FAM98B: variants seen among roughly 807,000 people sequenced by gnomAD.
The protein encoded by FAM98B is tRNA splicing ligase complex subunit 3B.
In FAM98B, 32 loss-of-function variants were observed where a neutral mutation model predicts 43.9. That is an observed-to-expected ratio of 0.73 (90% confidence interval 0.55 to 0.98). The LOEUF is 0.98. Among genes scored for constraint, FAM98B ranks in the 50% least tolerant of loss-of-function variants. The probability of loss-of-function intolerance (pLI) is 0.00; values close to 1 mark genes in which losing one functional copy is unlikely to be tolerated. For synonymous variants in FAM98B, 190 were observed against 174.0 expected (o/e 1.09, Z -0.72); for missense variants, 514 against 522.9 (o/e 0.98, Z 0.17).
At position 38,470,204 on chromosome 15, in the gene FAM98B, T is replaced by C. The variant is rs201643345; in HGVS notation, c.353-23T>C. On this transcript the variant is annotated intron_variant, in intron 3 of 7. Transcript: ENST00000397609. ...GAGATTCTTATACATGTATTAACATTATTTATTTTCTCTTTATTGTAGTAT... is the reference window on the plus strand; with the variant it reads ...GAGATTCTTATACATGTATTAACATCATTTATTTTCTCTTTATTGTAGTAT... 1.4e-5 allele frequency: 19 copies of C among 1,357,676 alleles called. No homozygotes were observed. The Admixed American group carries it at 4.0e-4, about 29-fold the overall frequency. The allele number at this position is 1,357,676 out of a possible 1,614,324, so 84.1% of individuals were successfully genotyped here. A position where few individuals can be genotyped will look rare whatever the true frequency, so the allele number is the denominator to read the frequency against.
At chr15:38,465,762 ATGATAATTTGT>A (rs751379311) in intron 3 of FAM98B, among the ~76,000 whole-genome samples, 6 of 152,160 alleles carry the variant, frequency 3.9e-5, no homozygotes, top group Non-Finnish European at 7.4e-5. Context: ...TAGGCACTGG[ATGATAATTTGT>A]TGATCACTTA....
intron 3 of FAM98B, among the ~76,000 whole-genome samples, chr15:38,465,959 G>A (rs1890025238): frequency 6.6e-6 from 1 of 152,080 alleles, no homozygotes; most frequent in Non-Finnish European, 1.5e-5. Context: ...TAAATAGTAG[G>A]TCCATGTTTG....
intron 1 of FAM98B, among the ~76,000 whole-genome samples, chr15:38,456,174 T>C (rs1889845164): frequency 6.6e-6 from 1 of 152,168 alleles, no homozygotes; most frequent in African/African-American, 2.4e-5. Context: ...GAAAACAGGA[T>C]AGGCTAGGAG....
intron 1 of FAM98B, among the ~76,000 whole-genome samples, chr15:38,455,794 T>C (rs1371662615): frequency 6.6e-6 from 1 of 152,252 alleles, no homozygotes; most frequent in Non-Finnish European, 1.5e-5. Context: ...GTTCATATTA[T>C]AAGTGTTTTA....
Position 38,481,358 on chromosome 15 carries a change from A to G in FAM98B, c.796A>G (p.Ile266Val). 1.2e-6 allele frequency: 2 copies of G among 1,614,198 alleles called. No homozygotes were observed. The highest frequency in any genetic ancestry group is 1.7e-6 in the Non-Finnish European group (2 of 1,180,030). Residue 266 changes from isoleucine to valine, a missense_variant, in exon 7 of 8, where the codon ATT becomes GTT. By Grantham distance (29) the Ile-to-Val change is conservative. This residue lies in a region of FAM98B where 469 missense variants were observed against 451.8 expected (regional missense o/e 1.04). Transcript: ENST00000397609. ...TTATGCTTTGTCACCCAAGACAACG[A>G]TTACAATGGCACATCTACTTGCTGC... ...KRYALSPKTT[I>V]TMAHLLAARE...
chr15:38,464,217 T>C (rs1197518601), intron 2 of FAM98B, 40 bp downstream of exon 2: 16 of 1,552,560 alleles, frequency 1.0e-5, no homozygotes, highest in Non-Finnish European at 1.4e-5. Flanking sequence ...TGTTTAATAG[T>C]AAACTGATAA....
chr15:38,455,431 G>A (rs773686601), intron 1 of FAM98B, among the ~76,000 whole-genome samples: 6 of 151,554 alleles, frequency 4.0e-5, no homozygotes, highest in Non-Finnish European at 8.9e-5. Context: ...AACTGCATTT[G>A]CCCCTCTATC....
intron 1 of FAM98B, among the ~76,000 whole-genome samples, chr15:38,454,635 A>G (rs558492597): frequency 7.9e-5 from 12 of 152,324 alleles, no homozygotes; most frequent in Admixed American, 5.9e-4. Context: ...GTCTCCTACA[A>G]TGTACAACTT....
At chr15:38,475,206 G>T (rs937485414) in intron 6 of FAM98B, among the ~76,000 whole-genome samples, 1 of 152,050 alleles carries the variant, frequency 6.6e-6, no homozygotes, top group Admixed American at 6.6e-5. Flanking sequence ...TGGAGGGTTG[G>T]GGGGCAGGGC....
intron 2 of FAM98B, 82 bp downstream of exon 2, chr15:38,464,259 C>A: frequency 7.6e-7 from 1 of 1,317,326 alleles, no homozygotes; most frequent in East Asian, 2.5e-5. Context: ...AATAATGTGC[C>A]CACTGTACAA....
In FAM98B at chr15:38,484,877, G is replaced by A. The variant is rs1053523135; in HGVS notation, c.*218G>A. 2.0e-5 allele frequency: 12 copies of A among 594,168 alleles called. No individual in the cohort carries two copies. The highest frequency in any genetic ancestry group is 3.0e-5 in the Non-Finnish European group (12 of 402,282). The allele number at this position is 594,168 out of a possible 1,614,324, so 36.8% of individuals were successfully genotyped here. ...CTTTTTCCATATTCTGTGTACCCTT[G>A]AGCATGTTGTGTCTTTTTAAAAAAC... On this transcript the variant is annotated 3_prime_UTR_variant, in exon 8 of 8. Transcript: ENST00000397609.
At chr15:38,454,333 T>C (rs1324937292) in intron 1 of FAM98B, 101 bp downstream of exon 1, 10 of 1,201,772 alleles carry the variant, frequency 8.3e-6, no homozygotes, top group African/African-American at 7.6e-5. Flanking sequence ...TGGGCGGCCA[T>C]GTGTAGGCCT....
intron 6 of FAM98B, among the ~76,000 whole-genome samples, chr15:38,480,223 C>T (rs55961024): frequency 0.26 from 38,995 of 151,678 alleles, 5,297 homozygotes; most frequent in East Asian, 0.52. Context: ...ACTTTTTGTT[C>T]TCTTTGGAAT....
intron 4 of FAM98B, among the ~76,000 whole-genome samples, chr15:38,471,869 A>C (rs1890135222): frequency 6.6e-6 from 1 of 152,168 alleles, no homozygotes; most frequent in African/African-American, 2.4e-5. Context: ...CTAAATGTTT[A>C]CATGTAATAA....
chr15:38,484,185 C>CA lies in FAM98B; in HGVS notation c.898-69dup, dbSNP rs995354277. 5.8e-5 allele frequency: 81 copies of CA among 1,407,332 alleles called. No homozygotes were observed. The Middle Eastern group carries it at 6.2e-4, about 11-fold the overall frequency. The allele number at this position is 1,407,332 out of a possible 1,614,324, so 87.2% of individuals were successfully genotyped here. A position where few individuals can be genotyped will look rare whatever the true frequency, so the allele number is the denominator to read the frequency against. ...ATTGGCTTCTGTTTATTAGAAACAA[C>CA]ATCACTTGAAACTTTTATGTAAACT... is the stretch of plus-strand genomic sequence containing the variant. On this transcript the variant is annotated intron_variant, in intron 7 of 7. Coordinates refer to ENST00000397609, the MANE Select transcript of FAM98B (RefSeq NM_173611.4).
At chr15:38,458,119 CAGAA>C (rs1889879313) in intron 1 of FAM98B, among the ~76,000 whole-genome samples, 1 of 152,118 alleles carries the variant, frequency 6.6e-6, no homozygotes, top group Non-Finnish European at 1.5e-5. Context: ...TGGGGAGACA[CAGAA>C]AGGGCCCATG....
chr15:38,468,085 T>C (rs1310191718), intron 3 of FAM98B, among the ~76,000 whole-genome samples: 1 of 152,218 alleles, frequency 6.6e-6, no homozygotes, highest in African/African-American at 2.4e-5. Context: ...TACTGCTTAC[T>C]ATCTGCATGG....
Position 38,454,226 on chromosome 15 carries a change from C to A in FAM98B, c.65C>A (p.Ala22Glu), listed in dbSNP as rs180924502. ...GGAGACGTGCTGGACACACTGGAGG[C>A]GCTGGGGTGAGTGCTTTTGGAGACG... ...MEGDVLDTLE[A>E]LGYKGPLLEE... Residue 22 changes from alanine to glutamate, a missense_variant, in exon 1 of 8, where the codon GCG becomes GAG. Coordinates refer to ENST00000397609, the MANE Select transcript of FAM98B (RefSeq NM_173611.4). 1.9e-6 allele frequency: 3 copies of A among 1,602,216 alleles called. No individual in the cohort carries two copies. Among genetic ancestry groups the A allele is most frequent in the East Asian group, 4.5e-5 (2 of 44,404 alleles).
At position 38,484,902 on chromosome 15, in the gene FAM98B, CA is replaced by C. The variant is rs202231500; in HGVS notation, c.*251del. The C allele has an allele frequency of 8.8e-5, 40 of 452,334 alleles. No homozygotes were observed. Among genetic ancestry groups the C allele is most frequent in the Non-Finnish European group, 9.1e-5 (26 of 284,686 alleles). The allele number at this position is 452,334 out of a possible 1,614,324, so 28.0% of individuals were successfully genotyped here. Reference sequence around the variant, plus strand: ...GAGCATGTTGTGTCTTTTTAAAAAACAAAAAAAAGAACAAAAATTATTTTTT... The same window carrying C: ...GAGCATGTTGTGTCTTTTTAAAAAACAAAAAAAGAACAAAAATTATTTTTT... On this transcript the variant is annotated 3_prime_UTR_variant, in exon 8 of 8. Coordinates refer to ENST00000397609, the MANE Select transcript of FAM98B (RefSeq NM_173611.4).
Sources: allele counts gnomAD v4.1 joint callset (sites outside exome capture counted in the v4.1 genomes callset), GRCh38; gene constraint gnomAD v4.1.1; regional missense constraint gnomAD v4.1.1; transcripts MANE v1.5; gene names NCBI Gene and HGNC (gene_info 2026-07-23, HGNC 2026-07-21).